The following FOXP1 variants were observed in gnomAD, a reference collection of about 807,000 sequenced individuals.
FOXP1 encodes the protein forkhead box protein P1.
A neutral mutation model predicts 98.2 loss-of-function variants in FOXP1; 15 were observed. That is an observed-to-expected ratio of 0.15 (90% confidence interval 0.10 to 0.24). The LOEUF (loss-of-function observed/expected upper bound fraction) is 0.24, where lower values mean the gene tolerates loss of function less well. Ranked by LOEUF, FOXP1 falls within the 10% of genes least tolerant of loss-of-function variation. The pLI is 1.00. For synonymous variants in FOXP1, 371 were observed against 314.5 expected (o/e 1.18, Z -1.90); for missense variants, 633 against 848.5 (o/e 0.75, Z 3.15).
At chr3:71,171,634 AG>A (rs1266989861) in intron 6 of FOXP1, among the ~76,000 whole-genome samples, 1 of 152,246 alleles carries the variant, frequency 6.6e-6, no homozygotes, top group Non-Finnish European at 1.5e-5. Flanking sequence ...TGCATTAGCA[AG>A]TTGCCTCCTC....
chr3:71,408,521 TATC>T lies in FOXP1; in HGVS notation c.-167-49280_-167-49278del, dbSNP rs559857699. 4.7e-4 allele frequency among the ~76,000 whole-genome samples: 71 copies of T among 152,220 alleles called. 2 individuals are homozygous for T. In the South Asian group the frequency reaches 0.014, roughly 31 times the overall value. The stretch of plus-strand genomic sequence containing the variant: ...TTCAGAAGACTTTTCTTCAAGAAAA[TATC>T]ATTCCCAATGGGCCGATACCAACAA... On this transcript the variant is annotated intron_variant, in intron 3 of 20. Coordinates refer to ENST00000649528, the MANE Select transcript of FOXP1 (RefSeq NM_001349338.3).
intron 6 of FOXP1, among the ~76,000 whole-genome samples, chr3:71,129,777 T>C (rs1248122398): frequency 2.0e-5 from 3 of 152,172 alleles, no homozygotes; most frequent in African/African-American, 2.4e-5. Context: ...AGCCGTTAGA[T>C]TGCTCTTCTA....
intron 11 of FOXP1, among the ~76,000 whole-genome samples, chr3:71,032,749 A>G (rs2047040632): frequency 6.6e-6 from 1 of 152,180 alleles, no homozygotes; most frequent in African/African-American, 2.4e-5. Flanking sequence ...GAAAAGGAAC[A>G]TGACATCCGC....
chr3:70,960,347 A>G (rs933976104), intron 20 of FOXP1, among the ~76,000 whole-genome samples: 1 of 152,182 alleles, frequency 6.6e-6, no homozygotes, highest in South Asian at 2.1e-4. Flanking sequence ...CCCGGCTGGT[A>G]GCAGCCACTG....
At chr3:71,037,455 A>G (rs1330286219) in intron 11 of FOXP1, among the ~76,000 whole-genome samples, 2 of 152,190 alleles carry the variant, frequency 1.3e-5, no homozygotes, top group African/African-American at 4.8e-5. Context: ...CAGTATCTTC[A>G]TATGTACCGG....
At chr3:71,546,850 G>A (rs2045402142) in intron 2 of FOXP1, among the ~76,000 whole-genome samples, 1 of 152,188 alleles carries the variant, frequency 6.6e-6, no homozygotes. Context: ...GGCAAGCGCT[G>A]GCTTGTTGCT....
chr3:70,976,028 A>G (rs1467260344), intron 17 of FOXP1, among the ~76,000 whole-genome samples: 3 of 104,500 alleles, frequency 2.9e-5, no homozygotes, highest in Non-Finnish European at 7.2e-5. Context: ...CTTCCTTAGT[A>G]TATCTATGAG....
chr3:71,126,810 C>T (rs1193590088), intron 6 of FOXP1, among the ~76,000 whole-genome samples: 1 of 127,060 alleles, frequency 7.9e-6, no homozygotes, highest in Non-Finnish European at 1.6e-5. Flanking sequence ...GGTTACAGAG[C>T]AAGACTCTGT....
At chr3:71,432,729 G>A (rs930511530) in intron 3 of FOXP1, among the ~76,000 whole-genome samples, 1 of 151,622 alleles carries the variant, frequency 6.6e-6, no homozygotes, top group Non-Finnish European at 1.5e-5. Context: ...CCCATCCAAA[G>A]AAGCAGAACT....
At chr3:71,027,535 C>T (rs774002689) in intron 11 of FOXP1, among the ~76,000 whole-genome samples, 2 of 152,182 alleles carry the variant, frequency 1.3e-5, no homozygotes, top group African/African-American at 4.8e-5. Flanking sequence ...TTAACATTCA[C>T]TGGGTTAAAT....
At chr3:71,309,707 A>C (rs1312910993) in intron 4 of FOXP1, among the ~76,000 whole-genome samples, 1 of 152,168 alleles carries the variant, frequency 6.6e-6, no homozygotes, top group South Asian at 2.1e-4. Flanking sequence ...TTTGACACAC[A>C]AACTAGCATC....
rs1057524732 is a variant in FOXP1 at position 71,047,032 on chromosome 3, G to C, written c.574C>G (p.Gln192Glu). Residue 192 changes from glutamine to glutamate, a missense_variant, in exon 10 of 21, where the codon CAG becomes GAG. This residue lies in a region of FOXP1 where 210 missense variants were observed against 270.6 expected (regional missense o/e 0.78). Transcript: ENST00000649528. The part of the protein sequence containing the change: ...QQQLLQMQQL[Q>E]QQHLLSLQRQ... ...TGCAAAGACAGGAGGTGCTGCTGCTGTAACTGCTGCATCTGTAAAAGCTGC... is the reference window on the plus strand; with the variant it reads ...TGCAAAGACAGGAGGTGCTGCTGCTCTAACTGCTGCATCTGTAAAAGCTGC... 3 of 1,613,990 alleles carry C rather than the reference G, an allele frequency of 1.9e-6. No homozygotes were observed. The highest frequency in any genetic ancestry group is 1.3e-5 in the African/African-American group (1 of 74,912).
chr3:71,488,780 A>C (rs1000786541), intron 3 of FOXP1, among the ~76,000 whole-genome samples: 2 of 152,244 alleles, frequency 1.3e-5, no homozygotes, highest in African/African-American at 2.4e-5. Context: ...GCCAGCACTC[A>C]TAACTGCTTA....
chr3:71,575,735 TA>T (rs1338166466), intron 2 of FOXP1, among the ~76,000 whole-genome samples: 1 of 152,164 alleles, frequency 6.6e-6, no homozygotes, highest in African/African-American at 2.4e-5. Context: ...AAAATGTGAG[TA>T]ATAACAAAGC....
At chr3:71,018,995 ATG>A (rs1198385105) in intron 11 of FOXP1, among the ~76,000 whole-genome samples, 1 of 152,326 alleles carries the variant, frequency 6.6e-6, no homozygotes, top group East Asian at 1.9e-4. Flanking sequence ...CACCCGCTGC[ATG>A]TGTGGCTGGG....
At chr3:71,176,555 C>T (rs1002847606) in intron 6 of FOXP1, among the ~76,000 whole-genome samples, 4 of 151,968 alleles carry the variant, frequency 2.6e-5, no homozygotes, top group Non-Finnish European at 5.9e-5. Context: ...AGAGGCACTG[C>T]CGAATTTCTG....
chr3:71,390,113 C>T (rs1420190648), intron 3 of FOXP1, among the ~76,000 whole-genome samples: 1 of 152,154 alleles, frequency 6.6e-6, no homozygotes, highest in African/African-American at 2.4e-5. Context: ...AGAAAGGTAA[C>T]AGTAGTGTCA....
intron 2 of FOXP1, among the ~76,000 whole-genome samples, chr3:71,576,575 T>G (rs982238178): frequency 6.6e-6 from 1 of 152,190 alleles, no homozygotes; most frequent in African/African-American, 2.4e-5. Flanking sequence ...GAATCGAATA[T>G]AAATTTTGTT....
intron 5 of FOXP1, among the ~76,000 whole-genome samples, chr3:71,233,216 G>A (rs2066473630): frequency 6.7e-6 from 1 of 149,402 alleles, no homozygotes; most frequent in Admixed American, 6.7e-5. Flanking sequence ...GGAGAGAAGG[G>A]GAGGGAAGGC....
Sources: allele counts gnomAD v4.1 joint callset (sites outside exome capture counted in the v4.1 genomes callset), GRCh38; gene constraint gnomAD v4.1.1; regional missense constraint gnomAD v4.1.1; transcripts MANE v1.5; gene names NCBI Gene and HGNC (gene_info 2026-07-23, HGNC 2026-07-21).